GLDC: variants seen among roughly 807,000 people sequenced by gnomAD.
GLDC encodes glycine dehydrogenase (decarboxylating), mitochondrial.
In GLDC, 104 loss-of-function variants were observed where a neutral mutation model predicts 121.3. That is an observed-to-expected ratio of 0.86 (90% CI 0.73 to 1.01). GLDC has a LOEUF of 1.01. Among genes scored for constraint, GLDC ranks in the 50% least tolerant of loss-of-function variants. GLDC has a pLI of 0.00. For synonymous variants in GLDC, 546 were observed against 480.6 expected, an observed-to-expected ratio of 1.14 and a Z score of -1.78; for missense variants, 1,429 against 1,306.6, an observed-to-expected ratio of 1.09 and a Z score of -1.44.
At chr9:6,603,398 C>T (rs752031253) in intron 7 of GLDC, among the ~76,000 whole-genome samples, 1 of 151,908 alleles carries the variant, frequency 6.6e-6, no homozygotes, top group Non-Finnish European at 1.5e-5. Context: ...GGGCAGATCA[C>T]TTGAGCCCTA....
chr9:6,543,578 A>G (rs1220000326), intron 21 of GLDC, among the ~76,000 whole-genome samples: 1 of 152,142 alleles, frequency 6.6e-6, no homozygotes, highest in Non-Finnish European at 1.5e-5. Context: ...TTCAGATGTT[A>G]TTTTCTAAAT....
Position 6,540,070 on chromosome 9 carries a change from G to C in GLDC, c.2646C>G (p.Ala882=), listed in dbSNP as rs760664408. The C allele has an allele frequency of 1.2e-6, 2 of 1,609,990 alleles. No individual in the cohort carries two copies. Among genetic ancestry groups the C allele is most frequent in the Non-Finnish European group, 8.5e-7 (1 of 1,176,506 alleles). The part of the protein sequence containing the change: ...KSANIEAVDV[A]KRLQDYGFHA... ...ACTTACCATAATCCTGGAGTCTCTT[G>C]GCCACATCCACAGCCTCAATATTTG... The change falls in exon 22 of 25, where the codon GCC becomes GCG. Residue 882 remains alanine (A), a synonymous_variant. Coordinates refer to ENST00000321612, the MANE Select transcript of GLDC (RefSeq NM_000170.3).
At chr9:6,586,383 C>T (rs1322016777) in intron 15 of GLDC, among the ~76,000 whole-genome samples, 2 of 152,166 alleles carry the variant, frequency 1.3e-5, no homozygotes, top group African/African-American at 2.4e-5. Flanking sequence ...GAGCGGGGCC[C>T]GGAGTTTGTA....
rs147596333 is a variant in GLDC at position 6,633,653 on chromosome 9, G to A, written c.334+10961C>T. On this transcript the variant is annotated intron_variant, in intron 2 of 24. Transcript: ENST00000321612. ...AACCATGCTTCTGGCCAGGCACAGT[G>A]GCTCACAACTGTAATCCCAGCACTT... Among the ~76,000 whole-genome samples, 884 of 151,936 alleles carry A rather than the reference G, an allele frequency of 5.8e-3. 14 individuals carry two copies. The highest frequency in any genetic ancestry group is 0.02 in the African/African-American group (846 of 41,432).
chr9:6,623,636 G>T (rs972339978), intron 2 of GLDC, among the ~76,000 whole-genome samples: 1 of 152,108 alleles, frequency 6.6e-6, no homozygotes, highest in Non-Finnish European at 1.5e-5. Context: ...AAAAAAGAGA[G>T]AGATATGGTA....
At chr9:6,536,277 G>C (rs912380232) in intron 22 of GLDC, 41 bp from the exon 23 acceptor site, 2 of 1,555,494 alleles carry the variant, frequency 1.3e-6, no homozygotes, top group East Asian at 2.3e-5. Flanking sequence ...CTGAAGGTCA[G>C]TGGCCTACCC....
At chr9:6,561,991 T>A (rs1371711910) in intron 16 of GLDC, among the ~76,000 whole-genome samples, 2 of 152,242 alleles carry the variant, frequency 1.3e-5, no homozygotes, top group Non-Finnish European at 2.9e-5. Context: ...GATTTACATA[T>A]AACATAATTT....
At chr9:6,577,167 G>A (rs1232616100) in intron 15 of GLDC, among the ~76,000 whole-genome samples, 1 of 152,244 alleles carries the variant, frequency 6.6e-6, no homozygotes, top group Non-Finnish European at 1.5e-5. Context: ...AGCCAGCAGC[G>A]CCACACGCAG....
chr9:6,613,280 C>T (rs1818898186), intron 3 of GLDC, among the ~76,000 whole-genome samples: 1 of 152,012 alleles, frequency 6.6e-6, no homozygotes, highest in Non-Finnish European at 1.5e-5. Flanking sequence ...CTACAGTTAA[C>T]ATTCAGGTGC....
intron 18 of GLDC, among the ~76,000 whole-genome samples, chr9:6,555,410 T>C (rs1020699516): frequency 4.0e-5 from 6 of 151,830 alleles, no homozygotes; most frequent in Non-Finnish European, 8.8e-5. Flanking sequence ...ACAGAACCAA[T>C]AGACAATCTC....
intron 22 of GLDC, 87 bp from the exon 23 acceptor site, chr9:6,536,323 T>A: frequency 9.0e-7 from 1 of 1,112,202 alleles, no homozygotes; most frequent in Non-Finnish European, 1.3e-6. Context: ...TTCTTATATT[T>A]TATCCTAAGA....
chr9:6,626,159 C>A (rs1475249766), intron 2 of GLDC, among the ~76,000 whole-genome samples: 2 of 151,822 alleles, frequency 1.3e-5, no homozygotes, highest in East Asian at 1.9e-4. Context: ...GTGATAGTAG[C>A]CCTAGCTGTT....
intron 15 of GLDC, chr9:6,567,108 A>C (rs2129764744): frequency 6.6e-6 from 1 of 152,140 alleles, no homozygotes; most frequent in African/African-American, 2.4e-5. Flanking sequence ...GATTGATAGA[A>C]CTGGGGGGTT....
intron 2 of GLDC, chr9:6,622,725 C>G (rs1029870273): frequency 1.0e-5 from 2 of 200,478 alleles, no homozygotes; most frequent in African/African-American, 4.8e-5. Context: ...GTGAGGAGCC[C>G]CTCTGCCTGG....
chr9:6,545,659 G>C (rs1817372332), intron 21 of GLDC, among the ~76,000 whole-genome samples: 2 of 151,588 alleles, frequency 1.3e-5, no homozygotes, highest in South Asian at 4.2e-4. Context: ...TTTTATTTTT[G>C]AGACAGAGTC....
intron 15 of GLDC, among the ~76,000 whole-genome samples, chr9:6,585,430 G>T (rs1818249438): frequency 6.6e-6 from 1 of 152,174 alleles, no homozygotes; most frequent in African/African-American, 2.4e-5. Context: ...AAGTAATGAA[G>T]TTCTAAAGAA....
At chr9:6,606,794 C>G (rs566425995) in intron 4 of GLDC, 125 bp from the exon 5 acceptor site, 1 of 734,142 alleles carries the variant, frequency 1.4e-6, no homozygotes, top group South Asian at 1.4e-5. Context: ...CTGAGTAGGC[C>G]GGGTGCGGTG....
intron 10 of GLDC, 21 bp from the exon 11 acceptor site, chr9:6,592,244 T>C (rs1818388716): frequency 2.8e-6 from 4 of 1,449,244 alleles, no homozygotes; most frequent in African/African-American, 2.8e-5. Flanking sequence ...ACAAACAAAA[T>C]GGAAAACATC....
intron 23 of GLDC, 21 bp from the exon 24 acceptor site, chr9:6,534,809 G>C (rs1360822490): frequency 1.4e-6 from 2 of 1,405,050 alleles, no homozygotes; most frequent in Non-Finnish European, 2.0e-6. Context: ...GACACGGACA[G>C]AGGAGGGGTC....
Sources: gnomAD v4.1 joint callset for allele counts (sites outside exome capture counted in the v4.1 genomes callset) on GRCh38, gnomAD v4.1.1 for gene constraint, MANE v1.5 for transcripts, NCBI Gene and HGNC (gene_info 2026-07-23, HGNC 2026-07-21) for gene names.